PIK3CB: variants seen among roughly 807,000 people sequenced by gnomAD.
PIK3CB encodes phosphatidylinositol 4,5-bisphosphate 3-kinase catalytic subunit beta isoform.
In PIK3CB, 39 loss-of-function variants were observed where a neutral mutation model predicts 136.8. That is an observed-to-expected ratio of 0.29 (90% CI 0.22 to 0.37). The LOEUF (loss-of-function observed/expected upper bound fraction) is 0.37. PIK3CB is among the 10% of genes least tolerant of loss of function. The pLI is 1.00. For synonymous variants in PIK3CB, 428 were observed against 436.6 expected, an observed-to-expected ratio of 0.98 and a Z score of 0.25; for missense variants, 868 against 1,275.4, an observed-to-expected ratio of 0.68 and a Z score of 4.87.
At chr3:138,705,205 A>G (rs1028042265) in intron 11 of PIK3CB, among the ~76,000 whole-genome samples, 1 of 137,736 alleles carries the variant, frequency 7.3e-6, no homozygotes, top group Non-Finnish European at 1.6e-5. Flanking sequence ...AAAAAAACTT[A>G]TATTTGCAAA....
At chr3:138,766,054 G>A (rs1396849754) in intron 2 of PIK3CB, among the ~76,000 whole-genome samples, 1 of 152,164 alleles carries the variant, frequency 6.6e-6, no homozygotes, top group Non-Finnish European at 1.5e-5. Flanking sequence ...ATGCTGCCAT[G>A]TCTCAAATAC....
intron 1 of PIK3CB, among the ~76,000 whole-genome samples, chr3:138,806,890 C>G (rs567438793): frequency 6.6e-6 from 1 of 152,212 alleles, no homozygotes; most frequent in Admixed American, 6.5e-5. Flanking sequence ...AAGAGGCTTA[C>G]TCTCCATAAT....
intron 2 of PIK3CB, among the ~76,000 whole-genome samples, chr3:138,784,360 C>G (rs1178682198): frequency 6.6e-6 from 1 of 152,142 alleles, no homozygotes; most frequent in Non-Finnish European, 1.5e-5. Context: ...CCAGCCTGGG[C>G]AACAGAGAGA....
chr3:138,738,199 T>G lies in PIK3CB; in HGVS notation c.622-313A>C, dbSNP rs528839381. ...TCATCTTTTTTTTTTTGAGACAGAG[T>G]CTCACACTGTCCCCCAGGCTGGAGC... On this transcript the variant is annotated intron_variant, in intron 5 of 23. Transcript: ENST00000674063. Among the ~76,000 whole-genome samples, 4 of 151,430 alleles carry G rather than the reference T, an allele frequency of 2.6e-5. No individual in the cohort carries two copies. The South Asian group carries it at 8.4e-4, about 32-fold the overall frequency.
chr3:138,696,184 T>TC (rs1372729188), intron 13 of PIK3CB, among the ~76,000 whole-genome samples: 1 of 150,718 alleles, frequency 6.6e-6, no homozygotes, highest in African/African-American at 2.4e-5. Context: ...TTTTAACCTT[T>TC]TTTTTTTTTT....
In PIK3CB at chr3:138,768,506, C is replaced by A. The variant is rs190394122; in HGVS notation, c.-16-9147G>T. On this transcript the variant is annotated intron_variant, in intron 2 of 23. Coordinates refer to ENST00000674063, the MANE Select transcript of PIK3CB (RefSeq NM_006219.3). ...GCAGGCCCGGAAAAGGCACAAGTTC[C>A]CACTCTAGTCCATGGAACTGGCAGC... 1.1e-3 allele frequency among the ~76,000 whole-genome samples: 172 copies of A among 152,294 alleles called. 1 individual carries two copies. Among genetic ancestry groups the A allele is most frequent in the African/African-American group, 4.1e-3 (169 of 41,566 alleles).
intron 8 of PIK3CB, among the ~76,000 whole-genome samples, chr3:138,729,542 G>A (rs1003589332): frequency 6.6e-6 from 1 of 152,250 alleles, no homozygotes; most frequent in Non-Finnish European, 1.5e-5. Flanking sequence ...CCCTCCCCAA[G>A]TAAGACAGAA....
At chr3:138,760,724 AACAAGACCCTGTCTCT>A (rs1280431544) in intron 2 of PIK3CB, among the ~76,000 whole-genome samples, 10 of 152,008 alleles carry the variant, frequency 6.6e-5, no homozygotes, top group Non-Finnish European at 8.8e-5. Context: ...CTGGGCAACA[AACAAGACCCTGTCTCT>A]ACAAAACATA....
At chr3:138,726,246 T>C (rs192438900) in intron 8 of PIK3CB, among the ~76,000 whole-genome samples, 57 of 152,348 alleles carry the variant, frequency 3.7e-4, no homozygotes, top group African/African-American at 1.0e-3. Flanking sequence ...CAGATAACTT[T>C]AAGAGGTTGC....
chr3:138,756,375 CTT>C (rs2045567795), intron 3 of PIK3CB, among the ~76,000 whole-genome samples: 1 of 151,994 alleles, frequency 6.6e-6, no homozygotes, highest in Non-Finnish European at 1.5e-5. Flanking sequence ...TCAATGAAAA[CTT>C]TCATATTTCA....
chr3:138,804,409 G>C (rs895217290), intron 1 of PIK3CB, among the ~76,000 whole-genome samples: 2 of 152,004 alleles, frequency 1.3e-5, no homozygotes, highest in Admixed American at 6.6e-5. Context: ...AGCAACTCAG[G>C]AGGCTGAGGT....
chr3:138,722,260 G>C (rs2044744563), intron 8 of PIK3CB, among the ~76,000 whole-genome samples: 2 of 147,628 alleles, frequency 1.4e-5, no homozygotes, highest in South Asian at 4.2e-4. Flanking sequence ...ACACACACGT[G>C]TGTAGGCTCA....
intron 8 of PIK3CB, among the ~76,000 whole-genome samples, chr3:138,730,102 T>C (rs536752999): frequency 6.2e-4 from 95 of 152,252 alleles, no homozygotes; most frequent in African/African-American, 2.0e-3. Flanking sequence ...AATTCAACTA[T>C]ATAATCCTGC....
Position 138,691,046 on chromosome 3 carries a change from CTCTT to C in PIK3CB, c.1986_1989del (p.Arg663HisfsTer7). ...TGCCCTATCCTCCGATTACCAAGTG[CTCTT>C]TCTAATAGGAATCTAGAGAGGGCAC... On this transcript the variant is annotated frameshift_variant, in exon 15 of 24. Coordinates refer to ENST00000674063, the MANE Select transcript of PIK3CB (RefSeq NM_006219.3). LOFTEE classifies it high-confidence loss of function. 1 of 1,613,254 alleles carries C rather than the reference CTCTT, an allele frequency of 6.2e-7. No homozygotes were observed. The highest frequency in any genetic ancestry group is 8.5e-7 in the Non-Finnish European group (1 of 1,179,274).
At chr3:138,802,766 T>C (rs1382201441) in intron 1 of PIK3CB, among the ~76,000 whole-genome samples, 4 of 152,158 alleles carry the variant, frequency 2.6e-5, no homozygotes, top group Non-Finnish European at 4.4e-5. Context: ...CCAGTCTCTC[T>C]TGAGGTTTCT....
chr3:138,721,551 A>G (rs1433258994), intron 8 of PIK3CB, among the ~76,000 whole-genome samples: 4 of 152,210 alleles, frequency 2.6e-5, no homozygotes, highest in Non-Finnish European at 5.9e-5. Flanking sequence ...TTGACTTTAA[A>G]TGAACACAAC....
chr3:138,785,050 C>T (rs1028991808), intron 2 of PIK3CB, among the ~76,000 whole-genome samples: 8 of 152,150 alleles, frequency 5.3e-5, no homozygotes, highest in Admixed American at 1.3e-4. Context: ...GCCGCCCCGT[C>T]TGGGAAGTGA....
chr3:138,756,040 T>C (rs1576392865), intron 3 of PIK3CB, 61 bp from the exon 4 acceptor site: 2 of 884,116 alleles, frequency 2.3e-6, no homozygotes, highest in East Asian at 2.4e-5. Context: ...TACAAAGATA[T>C]AAGGATGCTC....
intron 7 of PIK3CB, among the ~76,000 whole-genome samples, chr3:138,734,047 A>G (rs2108642229): frequency 6.6e-6 from 1 of 152,366 alleles, no homozygotes; most frequent in South Asian, 2.1e-4. Flanking sequence ...TTATATTAAT[A>G]TAGAAATAAC....
Sources: gnomAD v4.1 joint callset for allele counts (sites outside exome capture counted in the v4.1 genomes callset) on GRCh38, gnomAD v4.1.1 for gene constraint, MANE v1.5 for transcripts, NCBI Gene and HGNC (gene_info 2026-07-23, HGNC 2026-07-21) for gene names.